The following ACTR10 variants were observed in gnomAD, a reference collection of about 807,000 sequenced individuals.
ACTR10 encodes the protein actin-related protein 10.
In ACTR10, 43 loss-of-function variants were observed where a neutral mutation model predicts 56.2. The observed-to-expected ratio is 0.77, with a 90% confidence interval of 0.60 to 0.99. The LOEUF is 0.99. Among genes scored for constraint, ACTR10 ranks in the 50% least tolerant of loss-of-function variants. The pLI is 0.00. For missense variants in ACTR10, 466 were observed against 507.8 expected (o/e 0.92, Z 0.79); for synonymous variants, 170 against 176.3 (o/e 0.96, Z 0.28).
Position 58,211,302 on chromosome 14 carries a change from T to C in ACTR10, c.353T>C (p.Val118Ala), listed in dbSNP as rs1189127148. 1.2e-6 allele frequency: 2 copies of C among 1,612,804 alleles called. No homozygotes were observed. Among genetic ancestry groups the C allele is most frequent in the Non-Finnish European group, 1.7e-6 (2 of 1,179,042 alleles). Residue 118 changes from valine to alanine, a missense_variant, in exon 5 of 13, where the codon GTC becomes GCC. Coordinates refer to ENST00000254286, the MANE Select transcript of ACTR10 (RefSeq NM_018477.3). ...VLFKYFEVPSVLLAPSHLMAL... is the reference protein window; with the variant it reads ...VLFKYFEVPSALLAPSHLMAL... ...TTTGTTATTTTCTAGGTTCCATCTG[T>C]CTTGCTTGCTCCAAGTCATCTAATG...
At chr14:58,200,526 C>T (rs143407878) in intron 1 of ACTR10, among the ~76,000 whole-genome samples, 181 of 152,326 alleles carry the variant, frequency 1.2e-3, no homozygotes, top group Non-Finnish European at 2.3e-3. Context: ...TTGAATTGCC[C>T]TCGTCGCCGC....
chr14:58,208,001 C>A lies in ACTR10; in HGVS notation c.216C>A (p.Ile72=). ...TATATTCCTACCTAAAGGAATTCAT[C>A]CACATACTATATTTCAGGTAAGATA... The part of the protein sequence containing the change: ...EELYSYLKEF[I]HILYFRHLLV... The change falls in exon 3 of 13, where the codon ATC becomes ATA. Residue 72 remains isoleucine, a synonymous_variant. Coordinates refer to ENST00000254286, the MANE Select transcript of ACTR10 (RefSeq NM_018477.3). 1 of 1,510,066 alleles carries A rather than the reference C, an allele frequency of 6.6e-7. No individual in the cohort carries two copies. The highest frequency in any genetic ancestry group is 8.8e-7 in the Non-Finnish European group (1 of 1,137,206). The allele number at this position is 1,510,066 out of a possible 1,614,324, so 93.5% of individuals were successfully genotyped here.
chr14:58,223,817 T>C lies in ACTR10; in HGVS notation c.749T>C (p.Leu250Ser). 1 of 1,613,262 alleles carries C rather than the reference T, an allele frequency of 6.2e-7. No homozygotes were observed. The highest frequency in any genetic ancestry group is 8.5e-7 in the Non-Finnish European group (1 of 1,179,410). The change falls in exon 10 of 13, where the codon TTA becomes TCA. Residue 250 changes from leucine to serine, a missense_variant. Physicochemically the swap from Leu to Ser is moderately radical, Grantham distance 145 (BLOSUM62 -2). Transcript: ENST00000254286. ...PSPPPNVDYPLDGEKILHILG... is the reference protein window; with the variant it reads ...PSPPPNVDYPSDGEKILHILG... ...CCACCCCCAAATGTTGACTATCCAT[T>C]AGATGGAGAGAAGATTTTACATATC...
At chr14:58,230,291 G>A (rs572054078) in intron 10 of ACTR10, 108 bp from the exon 11 acceptor site, 3 of 532,974 alleles carry the variant, frequency 5.6e-6, no homozygotes, top group Admixed American at 3.1e-5. Context: ...CTTTGTTAAT[G>A]TAGTATTGGT....
chr14:58,215,321 C>T (rs1255628188), intron 7 of ACTR10, 37 bp downstream of exon 7: 6 of 1,356,604 alleles, frequency 4.4e-6, no homozygotes, highest in African/African-American at 2.9e-5. Flanking sequence ...GTGGTTTACA[C>T]TCTCTTTTTG....
chr14:58,213,718 A>G lies in ACTR10; in HGVS notation c.518+20A>G. ...TCACAAGTAAGTTTCTTGGAATTTA[A>G]CATATTCATTTCACCTGTGCCACAA... On this transcript the variant is annotated intron_variant, in intron 6 of 12. Transcript: ENST00000254286. The G allele has an allele frequency of 6.3e-7, 1 of 1,592,684 alleles. No individual in the cohort carries two copies.
At chr14:58,209,342 G>T in intron 4 of ACTR10, 2 of 250,898 alleles carry the variant, frequency 8.0e-6, no homozygotes, top group East Asian at 7.9e-5. Context: ...TCCTTTGTGT[G>T]GTTATTTCAT....
intron 6 of ACTR10, among the ~76,000 whole-genome samples, chr14:58,214,205 C>G (rs1889073841): frequency 2.0e-5 from 3 of 152,156 alleles, no homozygotes; most frequent in Admixed American, 1.3e-4. Context: ...TTTCTACTCT[C>G]TATGTCCATG....
In ACTR10 at chr14:58,209,025, G is replaced by A. The variant is rs754031809; in HGVS notation, c.260G>A (p.Arg87His). The A allele has an allele frequency of 5.0e-6, 8 of 1,611,948 alleles. No homozygotes were observed. Among genetic ancestry groups the A allele is most frequent in the East Asian group, 4.5e-5 (2 of 44,782 alleles). Residue 87 changes from arginine to histidine, a missense_variant, in exon 4 of 13, where the codon CGC becomes CAC. By Grantham distance (29) the Arg-to-His change is conservative. Coordinates refer to ENST00000254286, the MANE Select transcript of ACTR10 (RefSeq NM_018477.3). ...CATCTATTGGTGAATCCCAGAGACC[G>A]CCGAGTTGTGATTATCGAATCGGTA... ...FRHLLVNPRD[R>H]RVVIIESVLC...
chr14:58,218,928 T>C (rs1889199246), intron 7 of ACTR10, among the ~76,000 whole-genome samples: 1 of 152,182 alleles, frequency 6.6e-6, no homozygotes, highest in African/African-American at 2.4e-5. Context: ...GTTCAAGCGA[T>C]TCTCCTGCCT....
At chr14:58,204,420 C>T (rs1046921982) in intron 2 of ACTR10, among the ~76,000 whole-genome samples, 1 of 150,848 alleles carries the variant, frequency 6.6e-6, no homozygotes, top group African/African-American at 2.4e-5. Context: ...GGAGGTGGTG[C>T]GCACCTGTAG....
In ACTR10 at chr14:58,221,781, G is replaced by T. The variant is rs542312956; in HGVS notation, c.635-1841G>T. 7.5e-4 allele frequency among the ~76,000 whole-genome samples: 114 copies of T among 152,088 alleles called. 1 individual carries two copies. Among genetic ancestry groups the T allele is most frequent in the Admixed American group, 5.6e-3 (86 of 15,270 alleles). On this transcript the variant is annotated intron_variant, in intron 8 of 12. Coordinates refer to ENST00000254286, the MANE Select transcript of ACTR10 (RefSeq NM_018477.3). ...AAACTACAAAAAATTAACCAGGCAT[G>T]GTGGTGCACACCTGTAGTCCCAGCT...
chr14:58,209,717 T>G (rs1263623759), intron 4 of ACTR10, among the ~76,000 whole-genome samples: 1 of 152,200 alleles, frequency 6.6e-6, no homozygotes, highest in East Asian at 1.9e-4. Flanking sequence ...GTTTTAAGAT[T>G]AGTATATTTC....
intron 8 of ACTR10, among the ~76,000 whole-genome samples, chr14:58,221,296 A>T (rs190817291): frequency 0.088 from 13,234 of 150,194 alleles, 878 homozygotes; most frequent in African/African-American, 0.18. Context: ...AAAAAAAAAA[A>T]AAAAAAATAT....
At chr14:58,222,752 G>A (rs1222827185) in intron 8 of ACTR10, among the ~76,000 whole-genome samples, 3 of 118,288 alleles carry the variant, frequency 2.5e-5, no homozygotes, top group Non-Finnish European at 3.3e-5. Context: ...GCAATAGAGT[G>A]AGACTCTGTC....
chr14:58,232,008 A>G lies in ACTR10; in HGVS notation c.871-58A>G, dbSNP rs570656562. ...ATTTATGTATATTTTCTTAAGTTCA[A>G]TCAAGCATTATTTGTACAGTTCAGA... On this transcript the variant is annotated intron_variant, in intron 11 of 12. Coordinates refer to ENST00000254286, the MANE Select transcript of ACTR10 (RefSeq NM_018477.3). 2.0e-4 allele frequency: 231 copies of G among 1,127,252 alleles called. 1 individual carries two copies. The African/African-American group carries it at 3.2e-3, about 16-fold the overall frequency. 69.8% of individuals were successfully genotyped at this position (1,127,252 alleles called of 1,614,324 possible).
In ACTR10 at chr14:58,211,322, C is replaced by T. The variant is rs1201269783; in HGVS notation, c.373C>T (p.Leu125=). The T allele has an allele frequency of 6.2e-7, 1 of 1,613,690 alleles. No individual in the cohort carries two copies. Among genetic ancestry groups the T allele is most frequent in the Admixed American group, 1.7e-5 (1 of 59,998 alleles). Residue 125 remains leucine, a synonymous_variant, in exon 5 of 13, where the codon CTA becomes TTA. Transcript: ENST00000254286. ...VPSVLLAPSH[L]MALLTLGINS... is the part of the protein sequence containing the mutation. Reference sequence around the variant, plus strand: ...ATCTGTCTTGCTTGCTCCAAGTCATCTAATGGCTCTTCTGACGCTTGGAAT... The same window carrying T: ...ATCTGTCTTGCTTGCTCCAAGTCATTTAATGGCTCTTCTGACGCTTGGAAT...
chr14:58,228,602 GA>G (rs75001836), intron 10 of ACTR10, among the ~76,000 whole-genome samples: 58 of 124,882 alleles, frequency 4.6e-4, no homozygotes, highest in East Asian at 9.7e-4. Context: ...TCTCAAAAGG[GA>G]AAAAAAAAAA....
intron 4 of ACTR10, among the ~76,000 whole-genome samples, chr14:58,210,176 CATT>C (rs1471904743): frequency 6.6e-6 from 1 of 151,726 alleles, no homozygotes; most frequent in Admixed American, 6.6e-5. Context: ...GGAATACAGC[CATT>C]ATTTTGTCTG....
Sources: gnomAD v4.1 joint callset for allele counts (sites outside exome capture counted in the v4.1 genomes callset) on GRCh38, gnomAD v4.1.1 for gene constraint, MANE v1.5 for transcripts, NCBI Gene and HGNC (gene_info 2026-07-23, HGNC 2026-07-21) for gene names.